FOXP1: variants seen among roughly 807,000 people sequenced by gnomAD.
FOXP1 encodes forkhead box protein P1.
A neutral mutation model predicts 98.2 loss-of-function variants in FOXP1; 15 were observed. The ratio of observed to expected loss-of-function variants is 0.15; its 90% CI spans 0.10 to 0.24. The LOEUF is 0.24. FOXP1 is among the 10% of genes least tolerant of loss of function. The pLI is 1.00. For synonymous variants in FOXP1, 371 were observed against 314.5 expected (o/e 1.18, Z -1.90); for missense variants, 633 against 848.5 (o/e 0.75, Z 3.15).
At chr3:71,027,941 A>G (rs1024608492) in intron 11 of FOXP1, among the ~76,000 whole-genome samples, 3 of 152,168 alleles carry the variant, frequency 2.0e-5, no homozygotes, top group Admixed American at 6.5e-5. Context: ...GTTCTACCCA[A>G]TTCTCTAGTT....
chr3:71,214,502 A>G (rs2064764252), intron 5 of FOXP1, among the ~76,000 whole-genome samples: 2 of 152,264 alleles, frequency 1.3e-5, no homozygotes, highest in East Asian at 3.9e-4. Flanking sequence ...CATCAACTAA[A>G]CACCCAAAGA....
chr3:71,230,571 A>G (rs1203950635), intron 5 of FOXP1, among the ~76,000 whole-genome samples: 1 of 152,228 alleles, frequency 6.6e-6, no homozygotes, highest in Non-Finnish European at 1.5e-5. Flanking sequence ...AGAATAATTA[A>G]GCACAAATAT....
chr3:71,214,966 A>G (rs1278615340), intron 5 of FOXP1, among the ~76,000 whole-genome samples: 1 of 152,346 alleles, frequency 6.6e-6, no homozygotes, highest in Non-Finnish European at 1.5e-5. Flanking sequence ...CTATGACTAC[A>G]CAAAGCATGG....
chr3:71,472,354 C>A (rs945041579), intron 3 of FOXP1, among the ~76,000 whole-genome samples: 1 of 151,772 alleles, frequency 6.6e-6, no homozygotes, highest in South Asian at 2.1e-4. Flanking sequence ...ACAAACCATA[C>A]AAAAATGATT....
Position 71,198,298 on chromosome 3 carries a change from C to G in FOXP1, c.84G>C (p.Glu28Asp), listed in dbSNP as rs933638471. The G allele has an allele frequency of 1.2e-6, 2 of 1,614,118 alleles. No individual in the cohort carries two copies. Among genetic ancestry groups the G allele is most frequent in the Non-Finnish European group, 1.7e-6 (2 of 1,180,046 alleles). Reference sequence around the variant, plus strand: ...ACCGCCCCTCCCGAAGACCGCCGCACTCTAGTAAGTGGTTGCTGCCGCCCG... The same window carrying G: ...ACCGCCCCTCCCGAAGACCGCCGCAGTCTAGTAAGTGGTTGCTGCCGCCCG... The part of the protein sequence containing the change: ...NGSGGSNHLL[E>D]CGGLREGRSN... Residue 28 changes from glutamate (E) to aspartate (D), a missense_variant, in exon 6 of 21, where the codon GAG becomes GAC. Physicochemically the swap from Glu to Asp is conservative, Grantham distance 45. Around this residue, in one of 6 missense-constraint regions of FOXP1, gnomAD observed 103 missense variants for 85.5 expected, o/e 1.20. Transcript: ENST00000649528.
chr3:71,352,698 G>A (rs1195521185), intron 4 of FOXP1, among the ~76,000 whole-genome samples: 2 of 152,134 alleles, frequency 1.3e-5, no homozygotes, highest in Non-Finnish European at 2.9e-5. Flanking sequence ...CATACAGACA[G>A]TAAAGGTAGC....
rs144347581 is a variant in FOXP1, at chr3:71,112,602, C to T, written c.216G>A (p.Gln72=). 283 of 1,613,978 alleles carry T rather than the reference C, an allele frequency of 1.8e-4. No homozygotes were observed. The highest frequency in any genetic ancestry group is 2.3e-4 in the Non-Finnish European group (270 of 1,179,966). Residue 72 remains glutamine, a synonymous_variant, in exon 7 of 21, where the codon CAG becomes CAA. Transcript: ENST00000649528. ...LQVARQLLLQ[Q]QQQQQVSGLK... ...ATCCACTAACTTGCTGCTGCTGTTGCTGCTGAAGAAGGAGCTGTCTTGCCA... is the reference window on the plus strand; with the variant it reads ...ATCCACTAACTTGCTGCTGCTGTTGTTGCTGAAGAAGGAGCTGTCTTGCCA...
chr3:71,556,138 C>G (rs1443392069), intron 2 of FOXP1, among the ~76,000 whole-genome samples: 1 of 151,932 alleles, frequency 6.6e-6, no homozygotes, highest in African/African-American at 2.4e-5. Context: ...TCTAATAAAT[C>G]AAACATCACA....
In FOXP1 at chr3:70,956,434, TAC is replaced by T. The variant is rs1267494707; in HGVS notation, c.*2811_*2812del. 1.8e-5 allele frequency: 4 copies of T among 221,584 alleles called. No homozygotes were observed. Among genetic ancestry groups the T allele is most frequent in the Non-Finnish European group, 2.7e-5 (3 of 111,126 alleles). 13.7% of individuals were successfully genotyped at this position (221,584 alleles called of 1,614,324 possible). On this transcript the variant is annotated 3_prime_UTR_variant, in exon 21 of 21. Transcript: ENST00000649528. ...ATTTTTCTTTTTTTTTTTTTTTTGC[TAC>T]AGTCTTTAGACTAAGCATGCAAGAC...
chr3:71,416,571 CACACACACA>C (rs2083233652), intron 3 of FOXP1, among the ~76,000 whole-genome samples: 1 of 150,454 alleles, frequency 6.6e-6, no homozygotes, highest in Non-Finnish European at 1.5e-5. Flanking sequence ...CACACACACA[CACACACACA>C]CACACACACA....
chr3:71,566,777 G>A (rs577011685), intron 2 of FOXP1, among the ~76,000 whole-genome samples: 2 of 152,288 alleles, frequency 1.3e-5, no homozygotes, highest in East Asian at 3.9e-4. Flanking sequence ...TGAAGGCGCT[G>A]GGCTGACACC....
At chr3:71,231,242 C>CA (rs774233356) in intron 5 of FOXP1, among the ~76,000 whole-genome samples, 18 of 152,108 alleles carry the variant, frequency 1.2e-4, no homozygotes, top group Non-Finnish European at 2.2e-4. Context: ...CTTTAAAACT[C>CA]AAAAAATAAC....
intron 5 of FOXP1, among the ~76,000 whole-genome samples, chr3:71,275,271 C>T (rs1435011950): frequency 6.6e-6 from 1 of 152,122 alleles, no homozygotes; most frequent in African/African-American, 2.4e-5. Flanking sequence ...GTCCCTCATC[C>T]TGGGGATGGA....
chr3:71,220,834 TAA>T (rs2065317343), intron 5 of FOXP1, among the ~76,000 whole-genome samples: 1 of 151,194 alleles, frequency 6.6e-6, no homozygotes, highest in Non-Finnish European at 1.5e-5. Flanking sequence ...AAACCATAGG[TAA>T]TTCCTGTACT....
intron 7 of FOXP1, among the ~76,000 whole-genome samples, chr3:71,066,078 G>C (rs1288984): frequency 7.1e-6 from 1 of 141,408 alleles, no homozygotes; most frequent in Non-Finnish European, 1.5e-5. Context: ...ATCAATGAAT[G>C]CCTATTTGCC....
intron 19 of FOXP1, chr3:70,970,514 C>T (rs1194920804): frequency 1.8e-6 from 1 of 550,376 alleles, no homozygotes; most frequent in African/African-American, 1.9e-5. Context: ...AATAAGTGAA[C>T]TTTTAATTTT....
At chr3:71,023,578 T>G (rs1340231701) in intron 11 of FOXP1, among the ~76,000 whole-genome samples, 1 of 152,154 alleles carries the variant, frequency 6.6e-6, no homozygotes, top group East Asian at 1.9e-4. Flanking sequence ...TACAAAATGA[T>G]CCTACTTTCC....
chr3:71,219,950 T>C (rs945621259), intron 5 of FOXP1, among the ~76,000 whole-genome samples: 1 of 152,126 alleles, frequency 6.6e-6, no homozygotes, highest in Non-Finnish European at 1.5e-5. Flanking sequence ...TGCAGAGTAC[T>C]CCAAGGCCTT....
chr3:71,244,938 C>A (rs1401084645), intron 5 of FOXP1: 1 of 149,822 alleles, frequency 6.7e-6, no homozygotes, highest in Admixed American at 6.7e-5. Flanking sequence ...TAATCCAGAG[C>A]CCTCAGATGA....
Sources: gnomAD v4.1 joint callset for allele counts (sites outside exome capture counted in the v4.1 genomes callset) on GRCh38, gnomAD v4.1.1 for gene constraint, gnomAD v4.1.1 regional missense constraint, MANE v1.5 for transcripts, NCBI Gene and HGNC (gene_info 2026-07-23, HGNC 2026-07-21) for gene names.